SPAG7: variants seen among roughly 807,000 people sequenced by gnomAD.
SPAG7 encodes the protein sperm associated antigen 7.
Under a neutral mutation model 30.6 loss-of-function variants are expected in SPAG7, and 20 were observed. That is an observed-to-expected ratio of 0.65 (90% confidence interval 0.46 to 0.95). SPAG7 has a LOEUF of 0.95. Among genes scored for constraint, SPAG7 ranks in the 40% least tolerant of loss-of-function variants. The pLI, the probability that SPAG7 is intolerant of heterozygous loss-of-function variation, is 0.00. For missense variants in SPAG7, 276 were observed against 291.1 expected (o/e 0.95, Z 0.38); for synonymous variants, 127 against 104.2 (o/e 1.22, Z -1.33).
At chr17:4,960,411 C>A (rs754357229) in intron 3 of SPAG7, 48 bp downstream of exon 3, 1 of 1,596,138 alleles carries the variant, frequency 6.3e-7, no homozygotes, top group Non-Finnish European at 8.6e-7. Context: ...CCCTTTCATG[C>A]CCCGCTAGCC....
chr17:4,960,477 T>C lies in SPAG7; in HGVS notation c.224A>G (p.Lys75Arg), dbSNP rs752333774. 5 of 1,603,752 alleles carry C rather than the reference T, an allele frequency of 3.1e-6. No homozygotes were observed. In the East Asian group the frequency reaches 6.7e-5, roughly 21 times the overall value. ...QIKKKFQPMN[K>R]IERSILHDVV... ...CACTCACAGTATGCTCCTCTCGATCTTGTTCATTGGCTGAAACTTTTTCTT... is the reference window on the plus strand; with the variant it reads ...CACTCACAGTATGCTCCTCTCGATCCTGTTCATTGGCTGAAACTTTTTCTT... Residue 75 changes from lysine to arginine, a missense_variant, in exon 3 of 7, where the codon AAG (lysine) becomes AGG (arginine). Coordinates refer to ENST00000206020, the MANE Select transcript of SPAG7 (RefSeq NM_004890.3).
chr17:4,962,907 C>T (rs2151148090), intron 1 of SPAG7, among the ~76,000 whole-genome samples: 1 of 151,980 alleles, frequency 6.6e-6, no homozygotes, highest in South Asian at 2.1e-4. Flanking sequence ...AGCCTTGAGC[C>T]TCTGCACCCA....
At position 4,960,319 on chromosome 17, in the gene SPAG7, C is replaced by CTGGGA. The variant is rs1971840940; in HGVS notation, c.243-6_243-2dup. 1 of 1,613,904 alleles carries CTGGGA rather than the reference C, an allele frequency of 6.2e-7. No homozygotes were observed. Among genetic ancestry groups the CTGGGA allele is most frequent in the Non-Finnish European group, 8.5e-7 (1 of 1,179,882 alleles). On this transcript the variant is annotated splice_acceptor_variant, in intron 3 of 6. Transcript: ENST00000206020. LOFTEE classifies it high-confidence loss of function. ...GCCAGCCACTTCCACCACATCATGT[C>CTGGGA]TGGGATGGGATGGCAGAGGGGAAAG...
At chr17:4,965,587 G>A (rs1484415791) in intron 1 of SPAG7, among the ~76,000 whole-genome samples, 4 of 151,886 alleles carry the variant, frequency 2.6e-5, no homozygotes, top group Admixed American at 1.3e-4. Flanking sequence ...CTACTGTTCA[G>A]TTATCCTCTG....
intron 6 of SPAG7, 53 bp downstream of exon 6, chr17:4,959,707 T>C (rs770028199): frequency 6.2e-7 from 1 of 1,613,958 alleles, no homozygotes; most frequent in Non-Finnish European, 8.5e-7. Context: ...ACTGCCCTCC[T>C]GCCGCATCCT....
At chr17:4,967,291 C>T in intron 1 of SPAG7, 2 of 937,998 alleles carry the variant, frequency 2.1e-6, no homozygotes, top group Non-Finnish European at 2.6e-6. Flanking sequence ...GAAGGTCGAA[C>T]AGGCCTGAGG....
In SPAG7 at chr17:4,960,002, G is replaced by T. The variant is rs931648355; in HGVS notation, c.417+20C>A. On this transcript the variant is annotated intron_variant, in intron 5 of 6. Transcript: ENST00000206020. Reference sequence around the variant, plus strand: ...AGGTGGTGGGCTTCTGGACCCCAAGGGCTGCAAAGCATAGCTCACCTTCAG... The same window carrying T: ...AGGTGGTGGGCTTCTGGACCCCAAGTGCTGCAAAGCATAGCTCACCTTCAG... The T allele has an allele frequency of 6.2e-7, 1 of 1,613,726 alleles. No individual in the cohort carries two copies. The highest frequency in any genetic ancestry group is 1.3e-5 in the African/African-American group (1 of 74,930).
At chr17:4,967,015 C>A in intron 1 of SPAG7, 2 of 985,736 alleles carry the variant, frequency 2.0e-6, no homozygotes, top group African/African-American at 1.7e-5. Context: ...CCGCGCCCTA[C>A]GCCGGCCGCC....
At chr17:4,959,738 C>T (rs921573375) in intron 6 of SPAG7, 22 bp downstream of exon 6, 4 of 1,614,176 alleles carry the variant, frequency 2.5e-6, no homozygotes, top group South Asian at 1.1e-5. Flanking sequence ...CCCAGCCACC[C>T]CCAGCCGCAC....
intron 1 of SPAG7, among the ~76,000 whole-genome samples, chr17:4,962,402 A>G (rs1971877681): frequency 6.6e-6 from 1 of 152,150 alleles, no homozygotes; most frequent in South Asian, 2.1e-4. Flanking sequence ...GGCGTGAGCC[A>G]CTGCACCCGG....
chr17:4,959,668 C>T (rs773313896), intron 6 of SPAG7, 25 bp from the exon 7 acceptor site: 26 of 1,612,964 alleles, frequency 1.6e-5, no homozygotes, highest in Middle Eastern at 1.7e-4. Context: ...GAGGGTAGGG[C>T]GGGCCTAGAA....
rs1475603505 is a variant in SPAG7, at chr17:4,960,224, G to A, written c.327+10C>T. 3 of 1,613,440 alleles carry A rather than the reference G, an allele frequency of 1.9e-6. No homozygotes were observed. The highest frequency in any genetic ancestry group is 1.7e-5 in the Admixed American group (1 of 60,024). Reference sequence around the variant, plus strand: ...GGGAGAGGAGAGAATGAGGAATTCAGGCCCTTTACCTTTTTGAAGATCATG... The same window carrying A: ...GGGAGAGGAGAGAATGAGGAATTCAAGCCCTTTACCTTTTTGAAGATCATG... On this transcript the variant is annotated intron_variant, in intron 4 of 6. Transcript: ENST00000206020.
chr17:4,961,071 G>A (rs1018695959), intron 1 of SPAG7, among the ~76,000 whole-genome samples: 2 of 152,212 alleles, frequency 1.3e-5, no homozygotes, highest in African/African-American at 4.8e-5. Flanking sequence ...GCCTGAAATT[G>A]TGGATAGTAC....
chr17:4,959,381 G>A lies in SPAG7; in HGVS notation c.*153C>T. ...ACGCACATATCCAAGCTCCAACGGT[G>A]ACAAATCAAACACCTGTTTTCCCCC... On this transcript the variant is annotated 3_prime_UTR_variant, in exon 7 of 7. Transcript: ENST00000206020. The A allele has an allele frequency of 1.6e-6, 1 of 641,992 alleles. No homozygotes were observed. The allele number at this position is 641,992 out of a possible 1,614,324, so 39.8% of individuals were successfully genotyped here. A position where few individuals can be genotyped will look rare whatever the true frequency, so the allele number is the denominator to read the frequency against.
chr17:4,967,014 AC>A (rs1971967577), intron 1 of SPAG7: 1 of 985,494 alleles, frequency 1.0e-6, no homozygotes, highest in Non-Finnish European at 1.2e-6. Flanking sequence ...GCCGCGCCCT[AC>A]GCCGGCCGCC....
intron 1 of SPAG7, among the ~76,000 whole-genome samples, chr17:4,961,103 C>A (rs1339064062): frequency 6.6e-6 from 1 of 152,194 alleles, no homozygotes; most frequent in African/African-American, 2.4e-5. Context: ...CATACTATGT[C>A]TTTTTCTATA....
At position 4,963,507 on chromosome 17, in the gene SPAG7, G is replaced by A. The variant is rs940513510; in HGVS notation, c.86-2654C>T. 3.6e-5 allele frequency among the ~76,000 whole-genome samples: 5 copies of A among 138,170 alleles called. No individual in the cohort carries two copies. In the South Asian group the frequency reaches 6.6e-4, roughly 18 times the overall value. The allele number at this position is 138,170 out of a possible 152,430, so 90.6% of individuals were successfully genotyped here. On this transcript the variant is annotated intron_variant, in intron 1 of 6. Coordinates refer to ENST00000206020, the MANE Select transcript of SPAG7 (RefSeq NM_004890.3). ...GGAATCTCGCTTTGTCGCCCAGGCT[G>A]GAGTGCAGTGGCACGATCTTGGCTC...
intron 1 of SPAG7, chr17:4,966,133 G>A (rs1358352063): frequency 6.6e-6 from 1 of 152,248 alleles, no homozygotes; most frequent in East Asian, 1.9e-4. Flanking sequence ...TTACAGGCGT[G>A]AGCCCGGCCA....
intron 1 of SPAG7, among the ~76,000 whole-genome samples, chr17:4,961,371 C>A (rs1425375093): frequency 1.4e-5 from 2 of 143,978 alleles, no homozygotes; most frequent in Non-Finnish European, 3.1e-5. Flanking sequence ...GCAGGAGAAT[C>A]GCTTGAACCT....
Sources: gnomAD v4.1 joint callset for allele counts (sites outside exome capture counted in the v4.1 genomes callset) on GRCh38, gnomAD v4.1.1 for gene constraint, MANE v1.5 for transcripts, NCBI Gene and HGNC (gene_info 2026-07-23, HGNC 2026-07-21) for gene names.